KCNB2: variants seen among roughly 807,000 people sequenced by gnomAD.
The protein encoded by KCNB2 is potassium voltage-gated channel subfamily B member 2.
A neutral mutation model predicts 61.5 loss-of-function variants in KCNB2; 15 were observed. The observed-to-expected ratio is 0.24, with a 90% CI of 0.16 to 0.38. KCNB2 has a LOEUF of 0.38. KCNB2 is among the 10% of genes least tolerant of loss of function. KCNB2 has a pLI of 1.00. For synonymous variants in KCNB2, 457 were observed against 446.0 expected (o/e 1.02, Z -0.31); for missense variants, 828 against 1,125.2 (o/e 0.74, Z 3.78).
intron 2 of KCNB2, among the ~76,000 whole-genome samples, chr8:72,607,448 C>T (rs1805468610): frequency 6.6e-6 from 1 of 152,148 alleles, no homozygotes; most frequent in Admixed American, 6.5e-5. Context: ...GGAGACTGAG[C>T]TAGAGAATGT....
rs752583937 is a variant in KCNB2 at position 72,936,648 on chromosome 8, G to A, written c.1293G>A (p.Glu431=). 2.5e-6 allele frequency: 4 copies of A among 1,614,182 alleles called. No individual in the cohort carries two copies. The highest frequency in any genetic ancestry group is 3.4e-6 in the Non-Finnish European group (4 of 1,180,018). The change falls in exon 3 of 3, where the codon GAG becomes GAA. Residue 431 remains glutamate, a synonymous_variant. Coordinates refer to ENST00000523207, the MANE Select transcript of KCNB2 (RefSeq NM_004770.3). This position sits in a 1 kb window ranked among gnomAD's most constrained non-coding sequence, Gnocchi z 5.6. The part of the protein sequence containing the change: ...SEFYKEQKRQ[E]KAIKRREALE... ...TTTACAAGGAGCAGAAACGCCAAGA[G>A]AAAGCAATTAAAAGGAGGGAGGCTC... is the stretch of plus-strand genomic sequence containing the variant.
intron 2 of KCNB2, among the ~76,000 whole-genome samples, chr8:72,682,609 AAAAGG>A (rs1244042789): frequency 1.3e-5 from 2 of 151,792 alleles, no homozygotes; most frequent in East Asian, 3.9e-4. Flanking sequence ...AAAAAAAAAA[AAAAGG>A]AGAGGATTTC....
At chr8:72,658,391 C>T (rs1203532027) in intron 2 of KCNB2, among the ~76,000 whole-genome samples, 1 of 152,118 alleles carries the variant, frequency 6.6e-6, no homozygotes. Flanking sequence ...TCTATGAAGG[C>T]TGAGAGAGGT....
chr8:72,711,042 A>G (rs775685675), intron 2 of KCNB2, among the ~76,000 whole-genome samples: 11 of 152,358 alleles, frequency 7.2e-5, no homozygotes, highest in Middle Eastern at 3.4e-3. Flanking sequence ...GTGTCCATCA[A>G]TGATGCTGAG....
intron 2 of KCNB2, among the ~76,000 whole-genome samples, chr8:72,788,632 G>T (rs543609260): frequency 6.6e-6 from 1 of 152,128 alleles, no homozygotes; most frequent in East Asian, 1.9e-4. Flanking sequence ...CGTCATGAAG[G>T]ATGAACTCCA....
At chr8:72,698,426 G>A (rs1807054920) in intron 2 of KCNB2, among the ~76,000 whole-genome samples, 1 of 152,118 alleles carries the variant, frequency 6.6e-6, no homozygotes. Flanking sequence ...TCATTAAAAT[G>A]TCCATACTGC....
intron 2 of KCNB2, among the ~76,000 whole-genome samples, chr8:72,918,768 G>A (rs988124550): frequency 6.6e-6 from 1 of 152,192 alleles, no homozygotes; most frequent in African/African-American, 2.4e-5. Flanking sequence ...TTAATGTGGT[G>A]CAGCTGGCCA....
intron 2 of KCNB2, among the ~76,000 whole-genome samples, chr8:72,720,703 A>C (rs1245375102): frequency 6.6e-6 from 1 of 152,190 alleles, no homozygotes; most frequent in East Asian, 1.9e-4. Flanking sequence ...GACACTTGAT[A>C]AAAACTAGTT....
At chr8:72,820,524 T>TATC in intron 2 of KCNB2, among the ~76,000 whole-genome samples, 1 of 152,300 alleles carries the variant, frequency 6.6e-6, no homozygotes, top group South Asian at 2.1e-4. Flanking sequence ...ACATTGCCTT[T>TATC]ATCTGTCTTT....
intron 2 of KCNB2, among the ~76,000 whole-genome samples, chr8:72,655,229 A>C (rs140489105): frequency 6.6e-6 from 1 of 152,250 alleles, no homozygotes; most frequent in African/African-American, 2.4e-5. Context: ...CTCACTTATA[A>C]GTGGGAGATA....
At chr8:72,626,848 T>G (rs1338962753) in intron 2 of KCNB2, among the ~76,000 whole-genome samples, 1 of 152,176 alleles carries the variant, frequency 6.6e-6, no homozygotes, top group African/African-American at 2.4e-5. Flanking sequence ...CAAAAGGTAT[T>G]TGGGGGTCAT....
intron 2 of KCNB2, among the ~76,000 whole-genome samples, chr8:72,711,903 A>G (rs1303567942): frequency 6.6e-6 from 1 of 152,180 alleles, no homozygotes; most frequent in Non-Finnish European, 1.5e-5. Context: ...GAGACAGGAG[A>G]ATCTCTCAAA....
intron 2 of KCNB2, among the ~76,000 whole-genome samples, chr8:72,703,537 C>G (rs1807168490): frequency 6.6e-6 from 1 of 152,214 alleles, no homozygotes; most frequent in African/African-American, 2.4e-5. Flanking sequence ...CAGTGTGTCC[C>G]ATGATCTTCG....
At chr8:72,883,508 G>T (rs2129005295) in intron 2 of KCNB2, among the ~76,000 whole-genome samples, 1 of 152,276 alleles carries the variant, frequency 6.6e-6, no homozygotes, top group African/African-American at 2.4e-5. Context: ...AGTTATTCCA[G>T]ATCTATAGAA....
At chr8:72,618,323 G>T (rs552167419) in intron 2 of KCNB2, among the ~76,000 whole-genome samples, 4 of 152,256 alleles carry the variant, frequency 2.6e-5, no homozygotes, top group Admixed American at 6.5e-5. Flanking sequence ...TAGAATCAGA[G>T]AAACTCTCCT....
At chr8:72,773,057 T>A (rs903913738) in intron 2 of KCNB2, among the ~76,000 whole-genome samples, 9 of 152,232 alleles carry the variant, frequency 5.9e-5, no homozygotes, top group Middle Eastern at 3.4e-3. Context: ...TTCATAATAA[T>A]CCTCCTCTTT....
At chr8:72,605,542 C>T (rs1805431722) in intron 2 of KCNB2, among the ~76,000 whole-genome samples, 1 of 151,984 alleles carries the variant, frequency 6.6e-6, no homozygotes, top group South Asian at 2.1e-4. Flanking sequence ...ATTAAGACAG[C>T]TTTCTAAGTC....
chr8:72,806,027 C>T (rs1809213519), intron 2 of KCNB2, among the ~76,000 whole-genome samples: 2 of 152,110 alleles, frequency 1.3e-5, no homozygotes, highest in Admixed American at 1.3e-4. Flanking sequence ...GACTTTGTAA[C>T]CCCCTATTGT....
chr8:72,889,068 T>A (rs1205191210), intron 2 of KCNB2, among the ~76,000 whole-genome samples: 3 of 152,144 alleles, frequency 2.0e-5, no homozygotes, highest in Non-Finnish European at 4.4e-5. Flanking sequence ...GAGAGCACAC[T>A]CTCTGAAGGA....
Sources: allele counts gnomAD v4.1 joint callset (sites outside exome capture counted in the v4.1 genomes callset), GRCh38; gene constraint gnomAD v4.1.1; non-coding constraint Gnocchi (gnomAD v3.1); transcripts MANE v1.5; gene names NCBI Gene and HGNC (gene_info 2026-07-23, HGNC 2026-07-21).